SEMA3A: variants seen among roughly 807,000 people sequenced by gnomAD.
SEMA3A encodes the protein semaphorin 3A, also known as semaphorin-3A.
Under a neutral mutation model 97.9 loss-of-function variants are expected in SEMA3A, and 29 were observed. The observed-to-expected ratio is 0.30, with a 90% confidence interval of 0.22 to 0.40. The LOEUF is 0.40. Among genes scored for constraint, SEMA3A ranks in the 10% least tolerant of loss-of-function variants. SEMA3A has a pLI of 1.00. For synonymous variants in SEMA3A, 321 were observed against 323.7 expected (o/e 0.99, Z 0.09); for missense variants, 763 against 951.3 (o/e 0.80, Z 2.60).
At chr7:84,410,950 T>C (rs72612654) in intron 1 of SEMA3A, among the ~76,000 whole-genome samples, 10,245 of 152,108 alleles carry the variant, frequency 0.067, 385 homozygotes, top group East Asian at 0.12. Flanking sequence ...TTTTTCTTGT[T>C]GTCGTTGTCG....
intron 1 of SEMA3A, among the ~76,000 whole-genome samples, chr7:84,424,519 T>TATAATATATAATATATAA (rs1804699234): frequency 1.3e-5 from 1 of 75,890 alleles, no homozygotes; most frequent in Non-Finnish European, 2.3e-5. Context: ...AATATTAATA[T>TATAATATATAATATATAA]ATGTTATATA....
chr7:83,989,561 T>C (rs914157776), intron 12 of SEMA3A, among the ~76,000 whole-genome samples: 6 of 138,056 alleles, frequency 4.3e-5, no homozygotes, highest in African/African-American at 1.6e-4. Context: ...AGTGAGAATA[T>C]GCGGTGTTTG....
chr7:84,047,241 A>G (rs1190530404), intron 5 of SEMA3A, among the ~76,000 whole-genome samples: 3 of 152,042 alleles, frequency 2.0e-5, no homozygotes, highest in Non-Finnish European at 4.4e-5. Flanking sequence ...GAGGAATCAT[A>G]TCCAGACGGT....
At chr7:84,147,107 A>G (rs1796486035) in intron 1 of SEMA3A, among the ~76,000 whole-genome samples, 1 of 152,212 alleles carries the variant, frequency 6.6e-6, no homozygotes, top group African/African-American at 2.4e-5. Flanking sequence ...AAGAAAGCAC[A>G]TGTTTTCTGA....
At chr7:84,116,716 C>G (rs1692209899) in intron 3 of SEMA3A, among the ~76,000 whole-genome samples, 1 of 152,032 alleles carries the variant, frequency 6.6e-6, no homozygotes, top group African/African-American at 2.4e-5. Context: ...GAGGAAGGAC[C>G]ATGTGAAGAG....
intron 3 of SEMA3A, among the ~76,000 whole-genome samples, chr7:84,260,913 C>T (rs1799840547): frequency 6.6e-6 from 1 of 152,190 alleles, no homozygotes; most frequent in African/African-American, 2.4e-5. Context: ...CCAGACTGTC[C>T]ATTCCAGGTG....
intron 3 of SEMA3A, among the ~76,000 whole-genome samples, chr7:84,299,010 T>C (rs1422385681): frequency 2.0e-5 from 3 of 152,206 alleles, no homozygotes; most frequent in Admixed American, 6.5e-5. Flanking sequence ...TTTTGGACTC[T>C]TGGACTTACT....
rs529150116 is a variant in SEMA3A, at chr7:84,421,745, G to A, written c.-245-49845C>T. On this transcript the variant is annotated intron_variant, in intron 1 of 3. Coordinates refer to the SEMA3A transcript ENST00000424555. Reference sequence around the variant, plus strand: ...GCATGAAGGGGTGTTGAATTTTATCGAAGGCCTTTTCTGCATCTATTCAGA... The same window carrying A: ...GCATGAAGGGGTGTTGAATTTTATCAAAGGCCTTTTCTGCATCTATTCAGA... Among the ~76,000 whole-genome samples the A allele has an allele frequency of 5.3e-5, 8 of 151,984 alleles. No homozygotes were observed. The South Asian group carries it at 6.2e-4, about 12-fold the overall frequency.
chr7:84,028,440 C>T (rs1791622534), intron 6 of SEMA3A, among the ~76,000 whole-genome samples: 1 of 152,088 alleles, frequency 6.6e-6, no homozygotes, highest in African/African-American at 2.4e-5. Context: ...TAATGATTCA[C>T]ACTTATCCAT....
At chr7:84,376,334 G>A (rs1012708301) in intron 1 of SEMA3A, among the ~76,000 whole-genome samples, 1 of 148,168 alleles carries the variant, frequency 6.7e-6, no homozygotes, top group Non-Finnish European at 1.5e-5. Context: ...CGGGCGCGGT[G>A]GCTCACGCCT....
intron 6 of SEMA3A, among the ~76,000 whole-genome samples, chr7:84,031,702 G>A (rs1181760290): frequency 6.6e-6 from 1 of 151,932 alleles, no homozygotes; most frequent in Non-Finnish European, 1.5e-5. Flanking sequence ...TGGGTGTGGT[G>A]GTGCATGCCT....
chr7:84,214,697 CT>C (rs754365106), intron 3 of SEMA3A, among the ~76,000 whole-genome samples: 5,890 of 130,918 alleles, frequency 0.045, 96 homozygotes, highest in East Asian at 0.12. Flanking sequence ...TTAGAGCTTA[CT>C]TTTTTTTTTT....
chr7:84,262,297 C>A (rs1156319540), intron 3 of SEMA3A, among the ~76,000 whole-genome samples: 2 of 152,142 alleles, frequency 1.3e-5, no homozygotes, highest in Non-Finnish European at 2.9e-5. Context: ...TCATTGTAAC[C>A]TCCACCTCCC....
chr7:84,126,106 G>A (rs939656207), intron 3 of SEMA3A, among the ~76,000 whole-genome samples: 1 of 152,078 alleles, frequency 6.6e-6, no homozygotes, highest in African/African-American at 2.4e-5. Context: ...TAGCAATAAT[G>A]ACTAACATTA....
intron 3 of SEMA3A, among the ~76,000 whole-genome samples, chr7:84,301,804 G>A (rs1382558087): frequency 6.6e-6 from 1 of 152,154 alleles, no homozygotes; most frequent in Non-Finnish European, 1.5e-5. Flanking sequence ...CCCTGATGCG[G>A]AATGACAGGA....
intron 4 of SEMA3A, among the ~76,000 whole-genome samples, chr7:84,110,110 G>A (rs1320960844): frequency 3.9e-5 from 6 of 152,134 alleles, no homozygotes; most frequent in Admixed American, 2.0e-4. Flanking sequence ...CAACTGGGTG[G>A]CAGACACTTC....
rs560372449 is a variant in SEMA3A at position 84,241,278 on chromosome 7, A to G, written c.-82-46610T>C. Among the ~76,000 whole-genome samples, 4 of 152,286 alleles carry G rather than the reference A, an allele frequency of 2.6e-5. No homozygotes were observed. In the South Asian group the frequency reaches 6.2e-4, roughly 24 times the overall value. The stretch of plus-strand genomic sequence containing the variant: ...CTTCTCCAGCATCTGTTGTTTCCTG[A>G]CTTTTTAATAATCACCATTCTAACG... On this transcript the variant is annotated intron_variant, in intron 3 of 3. Coordinates refer to the SEMA3A transcript ENST00000424555.
At chr7:84,414,957 A>G in intron 1 of SEMA3A, among the ~76,000 whole-genome samples, 2 of 152,158 alleles carry the variant, frequency 1.3e-5, no homozygotes, top group South Asian at 4.1e-4. Flanking sequence ...AACCATGAGG[A>G]ACAAATAAAA....
At position 84,104,069 on chromosome 7, in the gene SEMA3A, T is replaced by G. The variant is rs75260138; in HGVS notation, c.453+6401A>C. Among the ~76,000 whole-genome samples, 618 of 152,124 alleles carry G rather than the reference T, an allele frequency of 4.1e-3. 2 individuals carry two copies. Among genetic ancestry groups the G allele is most frequent in the East Asian group, 0.016 (85 of 5,166 alleles). On this transcript the variant is annotated intron_variant, in intron 4 of 16. Transcript: ENST00000265362. ...TAAAAGCTTTGATCCAAACTAGGTA[T>G]TAGTCTACAAGGAATAGGAAAACAT...
Sources: allele counts gnomAD v4.1 joint callset (sites outside exome capture counted in the v4.1 genomes callset), GRCh38; gene constraint gnomAD v4.1.1; transcripts MANE v1.5; gene names NCBI Gene and HGNC (gene_info 2026-07-23, HGNC 2026-07-21).